The following ADGRD1 variants were observed in gnomAD, a reference collection of about 807,000 sequenced individuals.
ADGRD1 encodes the protein G-protein coupled receptor 133.
Under a neutral mutation model 113.4 loss-of-function variants are expected in ADGRD1, and 77 were observed. That is an observed-to-expected ratio of 0.68 (90% CI 0.57 to 0.82). ADGRD1 has a LOEUF of 0.82. Among genes scored for constraint, ADGRD1 ranks in the 40% least tolerant of loss-of-function variants. ADGRD1 has a pLI of 0.00. For missense variants in ADGRD1, 1,036 were observed against 1,139.1 expected (o/e 0.91, Z 1.30); for synonymous variants, 474 against 475.0 (o/e 1.00, Z 0.03).
chr12:131,138,090 G>C lies in ADGRD1; in HGVS notation c.2437-47G>C, dbSNP rs375275544. The C allele has an allele frequency of 3.4e-4, 506 of 1,503,770 alleles. 6 individuals are homozygous for C. The African/African-American group carries it at 5.9e-3, about 17-fold the overall frequency. The allele number at this position is 1,503,770 out of a possible 1,614,324, so 93.2% of individuals were successfully genotyped here. ...GGCACAGACTCCTCTGGTTACGGCT[G>C]TTGCAGCCTCTGAAATTGCTCTCAC... On this transcript the variant is annotated intron_variant, in intron 23 of 24. Coordinates refer to ENST00000261654, the MANE Select transcript of ADGRD1 (RefSeq NM_198827.5).
At position 131,084,537 on chromosome 12, in the gene ADGRD1, C is replaced by T. The variant is rs754321089; in HGVS notation, c.1548-3C>T. The T allele has an allele frequency of 1.2e-6, 2 of 1,614,004 alleles. No homozygotes were observed. Among genetic ancestry groups the T allele is most frequent in the South Asian group, 1.1e-5 (1 of 91,088 alleles). ...CCTCTGATCCTTTCTCCTGTGTCCT[C>T]AGCTCCGGAGAAGGGGTCTGGTCGA... On this transcript the variant is annotated splice_polypyrimidine_tract_variant and splice_region_variant and intron_variant, in intron 14 of 24. Transcript: ENST00000261654. The surrounding 1 kb of genome is among the most constrained non-coding windows in gnomAD (Gnocchi z 4.5).
chr12:131,045,287 A>G (rs138513994), intron 13 of ADGRD1, among the ~76,000 whole-genome samples: 1 of 152,330 alleles, frequency 6.6e-6, no homozygotes, highest in Non-Finnish European at 1.5e-5. Context: ...GCACTGCTTC[A>G]TGTGGACGCC....
chr12:131,065,833 C>T (rs1884680222), intron 13 of ADGRD1, among the ~76,000 whole-genome samples: 1 of 152,210 alleles, frequency 6.6e-6, no homozygotes, highest in African/African-American at 2.4e-5. Flanking sequence ...ACTTGCTTAC[C>T]ACAGACTCTG....
Position 130,987,124 on chromosome 12 carries a change from T to C in ADGRD1, c.520T>C (p.Trp174Arg). ...CTATTGGACTCATGTCCTATTTACA[T>C]GGAAATCCAAGGAGGGCCTGAAAGT... ...GPYWTHVLFT[W>R]KSKEGLKVYV... Residue 174 changes from tryptophan (W) to arginine (R), a missense_variant, in exon 6 of 25, where the codon TGG (tryptophan) becomes CGG (arginine). Transcript: ENST00000261654. The C allele has an allele frequency of 6.2e-7, 1 of 1,613,942 alleles. No individual in the cohort carries two copies. The highest frequency in any genetic ancestry group is 8.5e-7 in the Non-Finnish European group (1 of 1,179,810).
chr12:130,981,918 A>G lies in ADGRD1; in HGVS notation c.345A>G (p.Gly115=). The G allele has an allele frequency of 1.2e-6, 2 of 1,613,104 alleles. No individual in the cohort carries two copies. The highest frequency in any genetic ancestry group is 2.2e-5 in the East Asian group (1 of 44,874). The change falls in exon 5 of 25, where the codon GGA becomes GGG. Residue 115 remains glycine, a synonymous_variant. Transcript: ENST00000261654. ...TTTCTTTTTTCTGGAAGACACAAGG[A>G]GAACAGTCTAGACCAATCCCTTCTG... ...VTFSFFWKTQ[G]EQSRPIPSAY... is the part of the protein sequence containing the mutation.
intron 6 of ADGRD1, 125 bp from the exon 7 acceptor site, chr12:130,990,889 C>G (rs1346020608): frequency 2.4e-5 from 16 of 679,674 alleles, no homozygotes; most frequent in Non-Finnish European, 4.1e-5. Context: ...AACATTCCTA[C>G]TCAAAACATT....
At chr12:130,995,918 C>T (rs940433037) in intron 8 of ADGRD1, among the ~76,000 whole-genome samples, 2 of 152,014 alleles carry the variant, frequency 1.3e-5, no homozygotes, top group African/African-American at 4.8e-5. Flanking sequence ...GGCAGAGGAC[C>T]CTGCGGCCTT....
At chr12:131,083,444 T>G (rs570801663) in intron 14 of ADGRD1, among the ~76,000 whole-genome samples, 1 of 151,876 alleles carries the variant, frequency 6.6e-6, no homozygotes, top group East Asian at 1.9e-4. Flanking sequence ...TCTACAAAAA[T>G]AAAAAGAAAA....
rs1887291979 is a variant in ADGRD1 at position 131,096,535 on chromosome 12, G to T, written c.1672-8296G>T. On this transcript the variant is annotated intron_variant, in intron 15 of 24. Transcript: ENST00000261654. The surrounding 1 kb of genome is among the most constrained non-coding windows in gnomAD (Gnocchi z 5.2). Reference sequence around the variant, plus strand: ...TCCCGCGGGTGGACACTGAAGTCATGGTGGTCTTTGGCCGCAGCAAATAAC... The same window carrying T: ...TCCCGCGGGTGGACACTGAAGTCATTGTGGTCTTTGGCCGCAGCAAATAAC... Among the ~76,000 whole-genome samples, 1 of 152,228 alleles carries T rather than the reference G, an allele frequency of 6.6e-6. No homozygotes were observed. Among genetic ancestry groups the T allele is most frequent in the Admixed American group, 6.5e-5 (1 of 15,286 alleles).
At position 130,954,239 on chromosome 12, in the gene ADGRD1, G is replaced by C; in HGVS notation, c.-227G>C. 2.2e-6 allele frequency: 1 copy of C among 456,052 alleles called. No individual in the cohort carries two copies. The highest frequency in any genetic ancestry group is 5.5e-4 in the Middle Eastern group (1 of 1,808). The allele number at this position is 456,052 out of a possible 1,614,324, so 28.3% of individuals were successfully genotyped here. On this transcript the variant is annotated 5_prime_UTR_variant, in exon 1 of 25. Coordinates refer to ENST00000261654, the MANE Select transcript of ADGRD1 (RefSeq NM_198827.5). The surrounding 1 kb of genome is among the most constrained non-coding windows in gnomAD (Gnocchi z 4.7). ...GCATTCCACAGCTGCTCTGGTCATC[G>C]CAACGTGTTTATTGATCACTGAAGA... is the stretch of plus-strand genomic sequence containing the variant.
intron 24 of ADGRD1, among the ~76,000 whole-genome samples, chr12:131,138,532 T>G (rs1951162709): frequency 6.6e-6 from 1 of 152,140 alleles, no homozygotes; most frequent in Non-Finnish European, 1.5e-5. Flanking sequence ...CCCGCCGCCC[T>G]CCAGAGCCCA....
At chr12:131,090,579 A>C (rs1886842877) in intron 15 of ADGRD1, among the ~76,000 whole-genome samples, 2 of 152,146 alleles carry the variant, frequency 1.3e-5, no homozygotes, top group Non-Finnish European at 2.9e-5. Context: ...AGTTCACCTG[A>C]GTGAACTGGA....
At chr12:130,982,164 A>C in intron 5 of ADGRD1, 101 bp downstream of exon 5, 4 of 1,029,338 alleles carry the variant, frequency 3.9e-6, no homozygotes, top group Non-Finnish European at 5.7e-6. Context: ...GAGCCCAGGG[A>C]TGCTGCTGCC....
intron 21 of ADGRD1, 47 bp downstream of exon 21, chr12:131,131,863 C>G: frequency 8.0e-7 from 1 of 1,252,678 alleles, no homozygotes; most frequent in Non-Finnish European, 1.2e-6. Flanking sequence ...CTTCTGCCCC[C>G]AGAGGATGCT....
Position 131,027,303 on chromosome 12 carries a change from T to G in ADGRD1, c.1473+12963T>G, listed in dbSNP as rs1391555936. The G allele has an allele frequency of 6.7e-6, 1 of 149,552 alleles. No individual in the cohort carries two copies. The highest frequency in any genetic ancestry group is 1.5e-5 in the Non-Finnish European group (1 of 66,088). The allele number at this position is 149,552 out of a possible 1,614,324, so 9.3% of individuals were successfully genotyped here. A position where few individuals can be genotyped will look rare whatever the true frequency, so the allele number is the denominator to read the frequency against. On this transcript the variant is annotated intron_variant, in intron 13 of 24. Transcript: ENST00000261654. This position sits in a 1 kb window ranked among gnomAD's most constrained non-coding sequence, Gnocchi z 5.1. ...TGACTTCTTTCGGGGCTTCTCTAGG[T>G]GTGTGTGTGTGTGCACACAATTTTA...
intron 12 of ADGRD1, among the ~76,000 whole-genome samples, chr12:131,008,296 G>T (rs1162098368): frequency 1.3e-5 from 2 of 152,248 alleles, no homozygotes; most frequent in East Asian, 1.9e-4. Context: ...CGGGCAGCAC[G>T]TTTATGTGCG....
chr12:131,125,308 C>T (rs1172212887), intron 20 of ADGRD1, among the ~76,000 whole-genome samples: 1 of 152,160 alleles, frequency 6.6e-6, no homozygotes, highest in Non-Finnish European at 1.5e-5. Context: ...CCCCAAAGAA[C>T]AGGGACTCTG....
At position 131,003,113 on chromosome 12, in the gene ADGRD1, C is replaced by A; in HGVS notation, c.1027-72C>A. 1 of 1,199,302 alleles carries A rather than the reference C, an allele frequency of 8.3e-7. No individual in the cohort carries two copies. The highest frequency in any genetic ancestry group is 1.2e-6 in the Non-Finnish European group (1 of 804,062). The allele number at this position is 1,199,302 out of a possible 1,614,324, so 74.3% of individuals were successfully genotyped here. A position where few individuals can be genotyped will look rare whatever the true frequency, so the allele number is the denominator to read the frequency against. On this transcript the variant is annotated intron_variant, in intron 9 of 24. Coordinates refer to ENST00000261654, the MANE Select transcript of ADGRD1 (RefSeq NM_198827.5). This position sits in a 1 kb window ranked among gnomAD's most constrained non-coding sequence, Gnocchi z 4.8. ...CGTGGGGAAACTTGATTTTGTGTGC[C>A]TGGTGCACCTGCCTGGTGCCCTGGC...
At chr12:131,120,992 G>A (rs984996266) in intron 20 of ADGRD1, 79 bp downstream of exon 20, 13 of 1,332,342 alleles carry the variant, frequency 9.8e-6, no homozygotes, top group Non-Finnish European at 1.4e-5. Context: ...TGGAGATGGC[G>A]GGGGGCTCCC....
Sources: allele counts gnomAD v4.1 joint callset (sites outside exome capture counted in the v4.1 genomes callset), GRCh38; gene constraint gnomAD v4.1.1; non-coding constraint Gnocchi (gnomAD v3.1); transcripts MANE v1.5; gene names NCBI Gene and HGNC (gene_info 2026-07-23, HGNC 2026-07-21).